PCCA: variants seen among roughly 807,000 people sequenced by gnomAD.
PCCA encodes the protein propionyl-CoA carboxylase alpha chain, mitochondrial.
In PCCA, 74 loss-of-function variants were observed where a neutral mutation model predicts 101.3. The observed-to-expected ratio is 0.73, with a 90% CI of 0.61 to 0.89. The LOEUF (loss-of-function observed/expected upper bound fraction) is 0.89, where lower values mean the gene tolerates loss of function less well. Ranked by LOEUF, PCCA falls within the 40% of genes least tolerant of loss-of-function variation. PCCA has a pLI of 0.00. For missense variants in PCCA, 891 were observed against 907.0 expected (o/e 0.98, Z 0.23); for synonymous variants, 294 against 313.6 (o/e 0.94, Z 0.66).
At chr13:100,446,905 C>T (rs766381750) in intron 20 of PCCA, among the ~76,000 whole-genome samples, 12 of 152,118 alleles carry the variant, frequency 7.9e-5, no homozygotes, top group East Asian at 1.9e-4. Context: ...AAACTGTAAG[C>T]GTTTTTCATA....
intron 21 of PCCA, 29 bp from the exon 22 acceptor site, chr13:100,515,398 T>G (rs758823143): frequency 5.6e-6 from 9 of 1,608,634 alleles, no homozygotes; most frequent in Non-Finnish European, 7.7e-6. Context: ...TTAAACTCAT[T>G]TATGGTTTGG....
chr13:100,163,862 A>C (rs1052730799), intron 6 of PCCA, among the ~76,000 whole-genome samples: 2 of 152,008 alleles, frequency 1.3e-5, no homozygotes, highest in South Asian at 4.2e-4. Context: ...AATTCCATTA[A>C]AATTTATCTA....
At chr13:100,292,984 A>G (rs918980790) in intron 12 of PCCA, among the ~76,000 whole-genome samples, 9 of 116,506 alleles carry the variant, frequency 7.7e-5, no homozygotes, top group Non-Finnish European at 1.7e-4. Flanking sequence ...TGTAATTAAT[A>G]ATTTCCAGAT....
chr13:100,301,353 CA>C (rs1321323649), intron 12 of PCCA, 106 bp from the exon 13 acceptor site: 15 of 1,166,020 alleles, frequency 1.3e-5, no homozygotes, highest in Non-Finnish European at 1.8e-5. Context: ...TCAAATGTTA[CA>C]TTCGATTAAC....
At chr13:100,463,942 G>A (rs936372734) in intron 21 of PCCA, among the ~76,000 whole-genome samples, 14 of 152,164 alleles carry the variant, frequency 9.2e-5, no homozygotes, top group African/African-American at 9.7e-5. Context: ...CTCAGGATCT[G>A]TTGCCACCTG....
chr13:100,477,957 T>C (rs566448618), intron 21 of PCCA, among the ~76,000 whole-genome samples: 2 of 152,324 alleles, frequency 1.3e-5, no homozygotes, highest in African/African-American at 4.8e-5. Context: ...CCGCGGGCAG[T>C]ACCCAGCCCT....
rs375115902 is a variant in PCCA, at chr13:100,137,875, T to C, written c.301-17104T>C. On this transcript the variant is annotated intron_variant, in intron 4 of 23. Coordinates refer to ENST00000376285, the MANE Select transcript of PCCA (RefSeq NM_000282.4). Reference sequence around the variant, plus strand: ...TCCAGGCTGGAGTGCAGTGGCGCGATTATGGCCCACTGCAGCCTCAGCCTC... The same window carrying C: ...TCCAGGCTGGAGTGCAGTGGCGCGACTATGGCCCACTGCAGCCTCAGCCTC... Among the ~76,000 whole-genome samples the C allele has an allele frequency of 6.6e-5, 10 of 151,890 alleles. No individual in the cohort carries two copies. In the South Asian group the frequency reaches 2.1e-3, roughly 32 times the overall value.
intron 2 of PCCA, among the ~76,000 whole-genome samples, chr13:100,108,125 A>C (rs2047981751): frequency 1.3e-5 from 2 of 152,170 alleles, no homozygotes; most frequent in African/African-American, 4.8e-5. Flanking sequence ...CTATGGAGTT[A>C]GAGCCTGGGA....
At chr13:100,105,134 T>C (rs1235193845) in intron 2 of PCCA, among the ~76,000 whole-genome samples, 1 of 152,234 alleles carries the variant, frequency 6.6e-6, no homozygotes, top group African/African-American at 2.4e-5. Flanking sequence ...AGATTCTTTT[T>C]TTTGGGCCCT....
Position 100,111,996 on chromosome 13 carries a change from A to G in PCCA, c.235A>G (p.Ile79Val). 6.2e-7 allele frequency: 1 copy of G among 1,604,326 alleles called. No homozygotes were observed. Among genetic ancestry groups the G allele is most frequent in the Non-Finnish European group, 8.5e-7 (1 of 1,172,490 alleles). The change falls in exon 4 of 24, where the codon ATT becomes GTT. Residue 79 changes from isoleucine (I) to valine (V), a missense_variant. Transcript: ENST00000376285. ...ANRGEIACRV[I>V]RTCKKMGIKT... The stretch of plus-strand genomic sequence containing the variant: ...ACATTAATATATTTTAAAATAGGTT[A>G]TTAGAACTTGCAAGAAGATGGGCAT...
At position 100,160,103 on chromosome 13, in the gene PCCA, C is replaced by T. The variant is rs368623057; in HGVS notation, c.468+2763C>T. ...GAAAGTGTACAATAGGCCAAATTCC[C>T]CCAATGTAAAAACACACCAAACTTT... On this transcript the variant is annotated intron_variant, in intron 6 of 23. Transcript: ENST00000376285. Among the ~76,000 whole-genome samples the T allele has an allele frequency of 3.3e-5, 5 of 152,194 alleles. No homozygotes were observed. In the South Asian group the frequency reaches 1.0e-3, roughly 32 times the overall value.
chr13:100,249,503 G>T (rs1389648349), intron 8 of PCCA, among the ~76,000 whole-genome samples: 1 of 152,074 alleles, frequency 6.6e-6, no homozygotes, highest in African/African-American at 2.4e-5. Flanking sequence ...CTTGAAGTTG[G>T]GTATTGTTAG....
At chr13:100,420,844 G>T (rs1008385885) in intron 19 of PCCA, among the ~76,000 whole-genome samples, 11 of 152,178 alleles carry the variant, frequency 7.2e-5, no homozygotes, top group African/African-American at 2.7e-4. Flanking sequence ...GTGCCTACTA[G>T]TGAAAGGTCT....
chr13:100,518,176 A>G (rs2086975164), intron 22 of PCCA, among the ~76,000 whole-genome samples: 1 of 152,154 alleles, frequency 6.6e-6, no homozygotes, highest in African/African-American at 2.4e-5. Flanking sequence ...GTTACTTTTT[A>G]TCGTTTAAAT....
intron 19 of PCCA, among the ~76,000 whole-genome samples, chr13:100,387,292 C>T (rs1220051558): frequency 1.3e-5 from 2 of 152,208 alleles, no homozygotes; most frequent in East Asian, 1.9e-4. Flanking sequence ...CCTCCACAGC[C>T]TCCTGTTTCC....
At chr13:100,110,305 A>C (rs1304258189) in intron 2 of PCCA, among the ~76,000 whole-genome samples, 2 of 152,254 alleles carry the variant, frequency 1.3e-5, no homozygotes, top group African/African-American at 4.8e-5. Flanking sequence ...AATGTGTATT[A>C]CATCCAAATT....
chr13:100,301,367 C>A (rs1387060581), intron 12 of PCCA, 93 bp from the exon 13 acceptor site: 5 of 1,396,196 alleles, frequency 3.6e-6, no homozygotes, highest in Admixed American at 3.4e-5. Context: ...CGATTAACTT[C>A]ATTTTACCCA....
chr13:100,259,722 C>G (rs2062349216), intron 9 of PCCA, among the ~76,000 whole-genome samples: 1 of 152,110 alleles, frequency 6.6e-6, no homozygotes, highest in African/African-American at 2.4e-5. Context: ...TTTCTTTTCC[C>G]TATTCAAGTT....
intron 19 of PCCA, among the ~76,000 whole-genome samples, chr13:100,378,708 T>C (rs1461437136): frequency 6.6e-6 from 1 of 152,166 alleles, no homozygotes; most frequent in Non-Finnish European, 1.5e-5. Flanking sequence ...CTGCTTGATC[T>C]AGTCTGTTGA....
Sources: gnomAD v4.1 joint callset for allele counts (sites outside exome capture counted in the v4.1 genomes callset) on GRCh38, gnomAD v4.1.1 for gene constraint, MANE v1.5 for transcripts, NCBI Gene and HGNC (gene_info 2026-07-23, HGNC 2026-07-21) for gene names.